Variants in PTPRK observed in about 807,000 individuals in gnomAD.
The protein encoded by PTPRK is protein tyrosine phosphatase receptor type K.
PTPRK carries 75 observed loss-of-function variants against 178.0 expected under a neutral mutation model. The observed-to-expected ratio is 0.42, with a 90% confidence interval of 0.35 to 0.51. PTPRK has a LOEUF of 0.51. Ranked by LOEUF, PTPRK falls within the 20% of genes least tolerant of loss-of-function variation. The probability of loss-of-function intolerance (pLI) is 0.02; values close to 1 mark genes in which losing one functional copy is unlikely to be tolerated. For missense variants in PTPRK, 1,441 were observed against 1,797.8 expected (o/e 0.80, Z 3.59); for synonymous variants, 637 against 620.6 (o/e 1.03, Z -0.39).
intron 1 of PTPRK, among the ~76,000 whole-genome samples, chr6:128,517,404 A>G (rs1178263001): frequency 1.3e-5 from 2 of 152,176 alleles, no homozygotes; most frequent in African/African-American, 2.4e-5. Flanking sequence ...ACTTTCTTAC[A>G]TTATATCAAG....
At chr6:128,217,483 T>C (rs1809545365) in intron 6 of PTPRK, among the ~76,000 whole-genome samples, 1 of 152,116 alleles carries the variant, frequency 6.6e-6, no homozygotes, top group African/African-American at 2.4e-5. Context: ...CAAGAAACAA[T>C]GGGTTCTATT....
chr6:128,346,168 G>A (rs1045923186), intron 2 of PTPRK, among the ~76,000 whole-genome samples: 1 of 151,988 alleles, frequency 6.6e-6, no homozygotes, highest in Admixed American at 6.6e-5. Flanking sequence ...GCTCTGAGTG[G>A]CCACAATCTC....
chr6:128,181,523 C>G (rs561968600), intron 7 of PTPRK, among the ~76,000 whole-genome samples: 3 of 151,882 alleles, frequency 2.0e-5, no homozygotes, highest in East Asian at 3.9e-4. Flanking sequence ...TCTTATAGAA[C>G]CAGTATTTAG....
chr6:128,200,842 G>A (rs1320752800), intron 6 of PTPRK, among the ~76,000 whole-genome samples: 2 of 137,810 alleles, frequency 1.5e-5, no homozygotes, highest in African/African-American at 2.6e-5. Flanking sequence ...GAAGGATGAG[G>A]AGGAGGGGGG....
chr6:128,364,509 T>C (rs1835211378), intron 2 of PTPRK, among the ~76,000 whole-genome samples: 1 of 152,018 alleles, frequency 6.6e-6, no homozygotes, highest in African/African-American at 2.4e-5. Flanking sequence ...GTCATGAATA[T>C]CTCCCAAGTC....
chr6:128,341,417 G>T (rs1046445277), intron 2 of PTPRK, among the ~76,000 whole-genome samples: 4 of 152,070 alleles, frequency 2.6e-5, no homozygotes, highest in Non-Finnish European at 4.4e-5. Context: ...AACAGAATTT[G>T]TCACACACAA....
At chr6:128,059,094 C>T (rs1267570430) in intron 13 of PTPRK, among the ~76,000 whole-genome samples, 2 of 152,040 alleles carry the variant, frequency 1.3e-5, no homozygotes, top group Non-Finnish European at 2.9e-5. Context: ...TGATAACATC[C>T]AGGAACTGTA....
intron 3 of PTPRK, among the ~76,000 whole-genome samples, chr6:128,285,523 A>T (rs1210639209): frequency 6.6e-6 from 1 of 151,030 alleles, no homozygotes; most frequent in East Asian, 2.0e-4. Flanking sequence ...TAAAAAAAAA[A>T]AAAAAGGCTG....
chr6:128,255,645 C>T (rs1817164694), intron 3 of PTPRK, among the ~76,000 whole-genome samples: 1 of 152,212 alleles, frequency 6.6e-6, no homozygotes, highest in Non-Finnish European at 1.5e-5. Flanking sequence ...TATCAAGATG[C>T]TGAAGGCTGA....
intron 15 of PTPRK, among the ~76,000 whole-genome samples, chr6:128,002,953 T>C (rs1371007972): frequency 6.6e-6 from 1 of 151,948 alleles, no homozygotes; most frequent in Non-Finnish European, 1.5e-5. Flanking sequence ...TTAAGGGCCA[T>C]GTACTTTTGC....
intron 1 of PTPRK, among the ~76,000 whole-genome samples, chr6:128,508,385 C>T (rs907405837): frequency 6.6e-6 from 1 of 150,666 alleles, no homozygotes; most frequent in African/African-American, 2.4e-5. Context: ...CTCTTAAAAA[C>T]CAGGCAGAAC....
intron 13 of PTPRK, among the ~76,000 whole-genome samples, chr6:128,025,528 T>C (rs906207674): frequency 7.2e-5 from 11 of 152,208 alleles, no homozygotes; most frequent in African/African-American, 2.4e-4. Context: ...TAAAATAATT[T>C]TCTATGTCTG....
At chr6:128,170,607 C>A (rs553813662) in intron 7 of PTPRK, among the ~76,000 whole-genome samples, 3 of 152,064 alleles carry the variant, frequency 2.0e-5, no homozygotes, top group African/African-American at 7.2e-5. Context: ...TGGGAGCTAG[C>A]ACTGAGAATT....
intron 2 of PTPRK, among the ~76,000 whole-genome samples, chr6:128,362,996 G>C (rs965679721): frequency 6.6e-6 from 1 of 152,006 alleles, no homozygotes; most frequent in African/African-American, 2.4e-5. Context: ...GAGAAGCCAC[G>C]GTAGGAAGAA....
chr6:128,232,088 A>G (rs1192326408), intron 5 of PTPRK: 3 of 152,120 alleles, frequency 2.0e-5, no homozygotes, highest in East Asian at 3.9e-4. Context: ...AATTCTATTT[A>G]CCTCCACTCC....
chr6:128,236,343 CT>C (rs35553541), intron 5 of PTPRK, among the ~76,000 whole-genome samples: 698 of 108,086 alleles, frequency 6.5e-3, no homozygotes, highest in Middle Eastern at 0.019. Context: ...TTCTAAATTT[CT>C]TTTTTTTTTT....
chr6:128,439,374 T>C (rs1007434477), intron 1 of PTPRK, among the ~76,000 whole-genome samples: 3 of 152,122 alleles, frequency 2.0e-5, no homozygotes, highest in African/African-American at 4.8e-5. Flanking sequence ...GGCCAATATA[T>C]TTTTTAATAA....
chr6:128,496,561 T>C (rs1854689295), intron 1 of PTPRK, among the ~76,000 whole-genome samples: 1 of 152,170 alleles, frequency 6.6e-6, no homozygotes, highest in African/African-American at 2.4e-5. Flanking sequence ...AGATGTGAGA[T>C]CAGGTCCAGA....
chr6:128,167,733 T>C (rs1257562230), intron 7 of PTPRK, among the ~76,000 whole-genome samples: 1 of 152,092 alleles, frequency 6.6e-6, no homozygotes, highest in Non-Finnish European at 1.5e-5. Context: ...AGACATTTCA[T>C]GAACTTAATT....
Sources: allele counts gnomAD v4.1 joint callset (sites outside exome capture counted in the v4.1 genomes callset), GRCh38; gene constraint gnomAD v4.1.1; transcripts MANE v1.5; gene names NCBI Gene and HGNC (gene_info 2026-07-23, HGNC 2026-07-21).